Variants in B4GALT6 observed in about 807,000 individuals in gnomAD.
B4GALT6 encodes beta-1,4-galactosyltransferase 6.
In B4GALT6, 14 loss-of-function variants were observed where a neutral mutation model predicts 46.3. The observed-to-expected ratio is 0.30, with a 90% CI of 0.20 to 0.47. The LOEUF is 0.47. Among genes scored for constraint, B4GALT6 ranks in the 20% least tolerant of loss-of-function variants. B4GALT6 has a pLI of 0.99. For synonymous variants in B4GALT6, 168 were observed against 162.0 expected (o/e 1.04, Z -0.28); for missense variants, 386 against 480.1 (o/e 0.80, Z 1.83).
At chr18:31,673,889 T>A (rs188086061) in intron 1 of B4GALT6, among the ~76,000 whole-genome samples, 12 of 152,060 alleles carry the variant, frequency 7.9e-5, no homozygotes, top group Admixed American at 4.6e-4. Context: ...CAAGTACTCT[T>A]CTAAGAGAAA....
chr18:31,628,128 GGTTGTAGGAGAAAGCA>G (rs1050582794), intron 6 of B4GALT6, among the ~76,000 whole-genome samples: 2 of 152,212 alleles, frequency 1.3e-5, no homozygotes, highest in African/African-American at 4.8e-5. Flanking sequence ...GGAAGCCTAG[GGTTGTAGGAGAAAGCA>G]GTCTTGCCCT....
rs141891000 is a variant in B4GALT6 at position 31,630,163 on chromosome 18, A to G, written c.776+796T>C. 4.4e-3 allele frequency among the ~76,000 whole-genome samples: 675 copies of G among 151,880 alleles called. 18 individuals are homozygous for G. In the East Asian group the frequency reaches 0.045, roughly 10 times the overall value. On this transcript the variant is annotated intron_variant, in intron 6 of 8. Transcript: ENST00000306851. ...GAGGAAGAAGAAGAAAGAAACAAGC[A>G]TTCTTTTCCTGCTTGTGTCAGACTT...
intron 3 of B4GALT6, among the ~76,000 whole-genome samples, chr18:31,647,454 C>T (rs1232764300): frequency 6.6e-6 from 1 of 152,170 alleles, no homozygotes; most frequent in Admixed American, 6.5e-5. Context: ...AGTTCACACT[C>T]CTCGGGGTTG....
At chr18:31,676,603 C>T (rs916702486) in intron 1 of B4GALT6, among the ~76,000 whole-genome samples, 1 of 152,128 alleles carries the variant, frequency 6.6e-6, no homozygotes, top group South Asian at 2.1e-4. Flanking sequence ...AGATTCTTCA[C>T]CATGACAGCC....
the B4GALT6 span, among the ~76,000 whole-genome samples, chr18:31,712,454 C>G: frequency 1.3e-5 from 2 of 151,884 alleles, no homozygotes; most frequent in Non-Finnish European, 2.9e-5. Context: ...AGGTGCCCAC[C>G]ACCACGCCCA....
intron 4 of B4GALT6, among the ~76,000 whole-genome samples, chr18:31,642,496 T>C (rs2073942404): frequency 6.6e-6 from 1 of 152,198 alleles, no homozygotes; most frequent in Non-Finnish European, 1.5e-5. Context: ...CTGGAAGTTA[T>C]AGACCAAAGT....
chr18:31,679,290 T>C (rs779710680), intron 1 of B4GALT6, among the ~76,000 whole-genome samples: 1 of 152,232 alleles, frequency 6.6e-6, no homozygotes, highest in Non-Finnish European at 1.5e-5. Flanking sequence ...CAAGTTTCCC[T>C]TCAATATTGC....
chr18:31,673,764 C>T (rs905644165), intron 1 of B4GALT6, among the ~76,000 whole-genome samples: 3 of 152,148 alleles, frequency 2.0e-5, no homozygotes, highest in African/African-American at 7.2e-5. Context: ...CACCCTAATT[C>T]CCAGAACCTG....
rs1406562772 is a variant in B4GALT6 at position 31,666,162 on chromosome 18, C to T, written c.232+94G>A. The T allele has an allele frequency of 8.1e-6, 5 of 616,324 alleles. No homozygotes were observed. In the African/African-American group the frequency reaches 9.3e-5, roughly 12 times the overall value. 38.2% of individuals were successfully genotyped at this position (616,324 alleles called of 1,614,324 possible). ...GCTTAGGGGAAGATACCTTCTTCATCTTTAACAGGAAGTTACCTGAAGGCA... is the reference window on the plus strand; with the variant it reads ...GCTTAGGGGAAGATACCTTCTTCATTTTTAACAGGAAGTTACCTGAAGGCA... On this transcript the variant is annotated intron_variant, in intron 2 of 8. Coordinates refer to ENST00000306851, the MANE Select transcript of B4GALT6 (RefSeq NM_004775.5).
At chr18:31,645,293 G>GCA in intron 4 of B4GALT6, 62 bp downstream of exon 4, 1 of 1,592,982 alleles carries the variant, frequency 6.3e-7, no homozygotes, top group Non-Finnish European at 8.5e-7. Flanking sequence ...TCTGAATCAA[G>GCA]CACATTCTTT....
intron 2 of B4GALT6, chr18:31,658,495 G>A (rs1245312823): frequency 6.4e-6 from 1 of 156,826 alleles, no homozygotes; most frequent in East Asian, 1.8e-4. Flanking sequence ...GAGCAGAGGG[G>A]TGGGAGTAAT....
At chr18:31,724,423 G>A in the B4GALT6 span, 1 of 1,055,574 alleles carries the variant, frequency 9.5e-7, no homozygotes, top group Non-Finnish European at 1.2e-6. Context: ...CCGCTCCTCC[G>A]ATCTCCCACG....
rs2073673170 is a variant in B4GALT6, at chr18:31,625,170, T to TA, written c.*443dup. ...ATTTAGTGAGTTTTTTTCATGCAAATAAAAAATGTCTATAAAAGTCCAATA... is the reference window on the plus strand; with the variant it reads ...ATTTAGTGAGTTTTTTTCATGCAAATAAAAAAATGTCTATAAAAGTCCAATA... On this transcript the variant is annotated 3_prime_UTR_variant, in exon 9 of 9. Coordinates refer to ENST00000306851, the MANE Select transcript of B4GALT6 (RefSeq NM_004775.5). The TA allele has an allele frequency of 6.5e-6, 1 of 153,636 alleles. No individual in the cohort carries two copies. Among genetic ancestry groups the TA allele is most frequent in the Non-Finnish European group, 1.5e-5 (1 of 68,830 alleles). The allele number at this position is 153,636 out of a possible 1,614,324, so 9.5% of individuals were successfully genotyped here.
chr18:31,707,974 C>T, the B4GALT6 span, among the ~76,000 whole-genome samples: 1 of 152,006 alleles, frequency 6.6e-6, no homozygotes, highest in South Asian at 2.1e-4. Flanking sequence ...GGACATTTAC[C>T]AGTGTCAATT....
At chr18:31,642,440 C>T (rs2073941522) in intron 4 of B4GALT6, among the ~76,000 whole-genome samples, 1 of 152,176 alleles carries the variant, frequency 6.6e-6, no homozygotes, top group South Asian at 2.1e-4. Context: ...AAACTCCAGG[C>T]CTCTGGGTAG....
chr18:31,629,679 C>G (rs1258929973), intron 6 of B4GALT6, among the ~76,000 whole-genome samples: 2 of 149,692 alleles, frequency 1.3e-5, no homozygotes, highest in African/African-American at 4.9e-5. Flanking sequence ...GAAACCCCGT[C>G]TCTACTAAAA....
chr18:31,688,250 TATATATATAC>T (rs2029994697), upstream of B4GALT6, among the ~76,000 whole-genome samples: 1 of 148,824 alleles, frequency 6.7e-6, no homozygotes, highest in Non-Finnish European at 1.5e-5. Context: ...ATTGAGTGTA[TATATATATAC>T]ATATATATAT....
intron 3 of B4GALT6, among the ~76,000 whole-genome samples, chr18:31,655,962 G>A (rs1026135055): frequency 2.6e-5 from 4 of 151,832 alleles, no homozygotes; most frequent in African/African-American, 7.3e-5. Flanking sequence ...GTCTCAATAC[G>A]TGGCCCAAGG....
At chr18:31,649,448 T>A (rs1272003032) in intron 3 of B4GALT6, among the ~76,000 whole-genome samples, 13 of 152,018 alleles carry the variant, frequency 8.6e-5, no homozygotes, top group Non-Finnish European at 1.5e-4. Flanking sequence ...CCTGGCTCCA[T>A]CAGGTGCTAA....
Sources: allele counts gnomAD v4.1 joint callset (sites outside exome capture counted in the v4.1 genomes callset), GRCh38; gene constraint gnomAD v4.1.1; transcripts MANE v1.5; gene names NCBI Gene and HGNC (gene_info 2026-07-23, HGNC 2026-07-21).